The following SNX13 variants were observed in gnomAD, a reference collection of about 807,000 sequenced individuals.
SNX13 encodes the protein sorting nexin-13.
In SNX13, 45 loss-of-function variants were observed where a neutral mutation model predicts 133.6. The ratio of observed to expected loss-of-function variants is 0.34; its 90% CI spans 0.27 to 0.43. The LOEUF (loss-of-function observed/expected upper bound fraction) is 0.43, where lower values mean the gene tolerates loss of function less well. SNX13 is among the 20% of genes least tolerant of loss of function. SNX13 has a pLI of 1.00. For missense variants in SNX13, 1,032 were observed against 1,145.1 expected (o/e 0.90, Z 1.43); for synonymous variants, 414 against 373.9 (o/e 1.11, Z -1.24).
At chr7:17,940,093 G>A (rs1802644110) in intron 1 of SNX13, among the ~76,000 whole-genome samples, 191 bp downstream of exon 1, 1 of 152,166 alleles carries the variant, frequency 6.6e-6, no homozygotes, top group Non-Finnish European at 1.5e-5. Context: ...GGCAGCCGGA[G>A]GTGGTGGGAC....
chr7:17,914,997 C>G (rs909813204), intron 1 of SNX13, among the ~76,000 whole-genome samples: 4 of 152,120 alleles, frequency 2.6e-5, no homozygotes, highest in Non-Finnish European at 5.9e-5. Context: ...TAATGACACC[C>G]ATAGGCTCAA....
intron 1 of SNX13, among the ~76,000 whole-genome samples, chr7:17,933,187 T>C (rs1319532770): frequency 6.6e-6 from 1 of 152,250 alleles, no homozygotes; most frequent in African/African-American, 2.4e-5. Context: ...TTTGGGAATA[T>C]GTACAGACAA....
chr7:17,917,936 A>C (rs1799736516), intron 1 of SNX13, among the ~76,000 whole-genome samples: 1 of 152,158 alleles, frequency 6.6e-6, no homozygotes, highest in South Asian at 2.1e-4. Context: ...AACAATCAAA[A>C]CACCATGGTA....
chr7:17,912,897 GA>G (rs1799147203), intron 1 of SNX13, among the ~76,000 whole-genome samples: 1 of 152,194 alleles, frequency 6.6e-6, no homozygotes. Context: ...AGCAAGCACT[GA>G]AATTAGACTT....
intron 5 of SNX13, chr7:17,882,663 G>A (rs1795494405): frequency 2.9e-6 from 1 of 342,184 alleles, no homozygotes; most frequent in Non-Finnish European, 4.5e-6. Context: ...AATGTGGAGT[G>A]TGATGGAGTA....
chr7:17,905,493 C>G (rs1453953658), intron 1 of SNX13, among the ~76,000 whole-genome samples: 1 of 152,186 alleles, frequency 6.6e-6, no homozygotes, highest in African/African-American at 2.4e-5. Flanking sequence ...ATTTTTAGAA[C>G]TCCTTTTAAA....
chr7:17,823,864 A>G (rs1787577788), intron 17 of SNX13, among the ~76,000 whole-genome samples: 1 of 152,210 alleles, frequency 6.6e-6, no homozygotes, highest in South Asian at 2.1e-4. Context: ...ATAACTAATT[A>G]AAAATTAACA....
chr7:17,824,161 C>T (rs1467914831), intron 17 of SNX13, among the ~76,000 whole-genome samples: 1 of 151,856 alleles, frequency 6.6e-6, no homozygotes, highest in Non-Finnish European at 1.5e-5. Flanking sequence ...AAACTATTTG[C>T]TAGTAATTCT....
intron 1 of SNX13, among the ~76,000 whole-genome samples, chr7:17,939,117 C>T (rs1802457870): frequency 6.6e-6 from 1 of 152,150 alleles, no homozygotes; most frequent in Non-Finnish European, 1.5e-5. Flanking sequence ...GTATAAAGTT[C>T]CTCAAAGTTA....
intron 1 of SNX13, among the ~76,000 whole-genome samples, chr7:17,902,206 T>C (rs1322746276): frequency 6.7e-6 from 1 of 150,094 alleles, no homozygotes; most frequent in Non-Finnish European, 1.5e-5. Context: ...TGCCAGGTGA[T>C]AATTTAACAG....
intron 1 of SNX13, among the ~76,000 whole-genome samples, chr7:17,936,850 G>C (rs978823530): frequency 5.4e-5 from 8 of 149,156 alleles, no homozygotes; most frequent in African/African-American, 2.0e-4. Flanking sequence ...GAAAAAAAAA[G>C]AAGGGATAGA....
At chr7:17,900,633 G>A (rs1797721474) in intron 1 of SNX13, among the ~76,000 whole-genome samples, 2 of 152,040 alleles carry the variant, frequency 1.3e-5, no homozygotes, top group South Asian at 2.1e-4. Flanking sequence ...GGCTACCAAC[G>A]TTCATTAAGG....
chr7:17,901,612 A>T (rs1797848974), intron 1 of SNX13, among the ~76,000 whole-genome samples: 1 of 152,168 alleles, frequency 6.6e-6, no homozygotes, highest in Non-Finnish European at 1.5e-5. Context: ...GCAAAGTCCC[A>T]TAATCACTGT....
intron 1 of SNX13, among the ~76,000 whole-genome samples, chr7:17,923,807 G>C (rs1050252640): frequency 6.6e-6 from 1 of 151,916 alleles, no homozygotes; most frequent in African/African-American, 2.4e-5. Context: ...AAGTTACTGG[G>C]GTCTTAGTTT....
chr7:17,880,702 A>G (rs1258192578), intron 5 of SNX13: 1 of 152,270 alleles, frequency 6.6e-6, no homozygotes, highest in Non-Finnish European at 1.5e-5. Flanking sequence ...GGCTAACCAA[A>G]CATCAGTTAA....
At chr7:17,852,219 G>T (rs1583479327) in intron 9 of SNX13, among the ~76,000 whole-genome samples, 1 of 151,896 alleles carries the variant, frequency 6.6e-6, no homozygotes, top group Admixed American at 6.6e-5. Flanking sequence ...ACTAAAAATA[G>T]AAAAATTAGC....
intron 1 of SNX13, among the ~76,000 whole-genome samples, chr7:17,938,731 G>C (rs1298794323): frequency 6.6e-6 from 1 of 152,150 alleles, no homozygotes; most frequent in African/African-American, 2.4e-5. Flanking sequence ...TAGTTCATTT[G>C]AAAGTATTAA....
chr7:17,899,165 T>A (rs2128000960), intron 1 of SNX13: 1 of 152,336 alleles, frequency 6.6e-6, no homozygotes, highest in South Asian at 2.1e-4. Flanking sequence ...CAACTTCCAC[T>A]GAGAAGTCTG....
chr7:17,803,086 G>A (rs1377930334), intron 21 of SNX13, among the ~76,000 whole-genome samples: 1 of 152,068 alleles, frequency 6.6e-6, no homozygotes, highest in East Asian at 1.9e-4. Flanking sequence ...GACAGAATTT[G>A]TTTGCTACTA....
Sources: gnomAD v4.1 joint callset for allele counts (sites outside exome capture counted in the v4.1 genomes callset) on GRCh38, gnomAD v4.1.1 for gene constraint, MANE v1.5 for transcripts, NCBI Gene and HGNC (gene_info 2026-07-23, HGNC 2026-07-21) for gene names.